The following BAZ2B variants were observed in gnomAD, a reference collection of about 807,000 sequenced individuals.
BAZ2B encodes the protein bromodomain adjacent to zinc finger domain protein 2B.
BAZ2B carries 91 observed loss-of-function variants against 246.0 expected under a neutral mutation model. The observed-to-expected ratio is 0.37, with a 90% CI of 0.31 to 0.44. The LOEUF is 0.44. Ranked by LOEUF, BAZ2B falls within the 20% of genes least tolerant of loss-of-function variation. BAZ2B has a pLI of 1.00. For missense variants in BAZ2B, 2,332 were observed against 2,533.7 expected, an observed-to-expected ratio of 0.92 and a Z score of 1.71; for synonymous variants, 855 against 860.0, an observed-to-expected ratio of 0.99 and a Z score of 0.10.
chr2:159,400,742 T>C (rs2064868047), intron 16 of BAZ2B, 78 bp from the exon 17 acceptor site: 1 of 914,316 alleles, frequency 1.1e-6, no homozygotes, highest in Non-Finnish European at 1.7e-6. Flanking sequence ...AATCAAATAA[T>C]TAAAAATATA....
At chr2:159,512,771 T>C (rs1388390234) in intron 2 of BAZ2B, among the ~76,000 whole-genome samples, 2 of 152,056 alleles carry the variant, frequency 1.3e-5, no homozygotes, top group Non-Finnish European at 2.9e-5. Context: ...AGAGGGAGTG[T>C]CTCTAATAGG....
intron 2 of BAZ2B, among the ~76,000 whole-genome samples, chr2:159,483,463 G>A (rs1194870137): frequency 6.6e-6 from 1 of 152,138 alleles, no homozygotes; most frequent in Admixed American, 6.5e-5. Context: ...GCCTCCCAAA[G>A]TGCTGGGATG....
At chr2:159,406,841 A>G (rs1035331800) in intron 14 of BAZ2B, among the ~76,000 whole-genome samples, 7 of 150,762 alleles carry the variant, frequency 4.6e-5, no homozygotes, top group East Asian at 2.0e-4. Context: ...TGCAAGCTCC[A>G]CCTCCCAGGT....
chr2:159,581,612 C>T (rs1686793871), intron 1 of BAZ2B, among the ~76,000 whole-genome samples: 1 of 152,082 alleles, frequency 6.6e-6, no homozygotes, highest in Non-Finnish European at 1.5e-5. Context: ...GCTATAAAGA[C>T]ACATGCACAT....
intron 17 of BAZ2B, chr2:159,399,129 A>G: frequency 2.7e-6 from 1 of 374,630 alleles, no homozygotes; most frequent in East Asian, 4.0e-5. Flanking sequence ...TAAGAATATG[A>G]CAGCTTTTCT....
the BAZ2B span, among the ~76,000 whole-genome samples, chr2:159,706,131 A>G: frequency 6.7e-6 from 1 of 149,546 alleles, no homozygotes; most frequent in Non-Finnish European, 1.5e-5. Flanking sequence ...TTGTGTGACC[A>G]TGCAGAAAGT....
intron 36 of BAZ2B, among the ~76,000 whole-genome samples, chr2:159,323,451 T>C (rs910280991): frequency 6.6e-6 from 1 of 152,164 alleles, no homozygotes; most frequent in Non-Finnish European, 1.5e-5. Context: ...TTCTTTTTCT[T>C]GGCCATGTTA....
the BAZ2B span, among the ~76,000 whole-genome samples, chr2:159,663,730 G>C: frequency 2.0e-4 from 30 of 151,792 alleles, no homozygotes; most frequent in South Asian, 5.4e-3. Context: ...TGTTGGCCAG[G>C]CTGGTCTTGA....
At chr2:159,383,966 A>T (rs1363479310) in intron 23 of BAZ2B, among the ~76,000 whole-genome samples, 1 of 152,074 alleles carries the variant, frequency 6.6e-6, no homozygotes, top group Admixed American at 6.6e-5. Flanking sequence ...TGCCTTAGAA[A>T]GACAATATTC....
intron 11 of BAZ2B, 147 bp downstream of exon 11, chr2:159,429,053 G>T: frequency 2.1e-6 from 1 of 487,538 alleles, no homozygotes; most frequent in Non-Finnish European, 3.4e-6. Flanking sequence ...CAAATTCCTT[G>T]CCCTTTGCTC....
intron 1 of BAZ2B, among the ~76,000 whole-genome samples, chr2:159,610,474 G>A (rs1371684264): frequency 2.0e-5 from 3 of 152,170 alleles, no homozygotes; most frequent in Admixed American, 2.0e-4. Flanking sequence ...ATTAATGAGT[G>A]CATGTTTGTG....
the BAZ2B span, among the ~76,000 whole-genome samples, chr2:159,673,187 A>T: frequency 6.6e-6 from 1 of 151,058 alleles, no homozygotes; most frequent in Non-Finnish European, 1.5e-5. Context: ...ATCCCAATAG[A>T]AAAATAGGCA....
chr2:159,466,568 A>G (rs7580564), intron 3 of BAZ2B, among the ~76,000 whole-genome samples: 3,659 of 152,334 alleles, frequency 0.024, 68 homozygotes, highest in Non-Finnish European at 0.038. Flanking sequence ...GCAATTACCT[A>G]GAGACTATAA....
intron 1 of BAZ2B, chr2:159,615,165 A>C (rs892364540): frequency 1.3e-5 from 2 of 152,118 alleles, no homozygotes; most frequent in African/African-American, 4.8e-5. Context: ...AAGAAGAGAA[A>C]ATCTCCCAAA....
intron 2 of BAZ2B, among the ~76,000 whole-genome samples, chr2:159,521,370 T>C (rs1301506686): frequency 6.6e-6 from 1 of 151,956 alleles, no homozygotes; most frequent in Non-Finnish European, 1.5e-5. Flanking sequence ...AAAAACAAAA[T>C]GGAAAGAGTA....
At chr2:159,327,060 T>TTTG (rs2063817274) in intron 34 of BAZ2B, among the ~76,000 whole-genome samples, 1 of 151,156 alleles carries the variant, frequency 6.6e-6, no homozygotes, top group Non-Finnish European at 1.5e-5. Flanking sequence ...GCAATCTTTT[T>TTTG]TTTTTTTTTT....
At chr2:159,656,240 G>C in the BAZ2B span, among the ~76,000 whole-genome samples, 2 of 152,094 alleles carry the variant, frequency 1.3e-5, no homozygotes, top group African/African-American at 2.4e-5. Context: ...CAAGTACAGA[G>C]AGTTCCCATA....
chr2:159,584,483 G>A (rs1254837214), intron 1 of BAZ2B, among the ~76,000 whole-genome samples: 4 of 152,196 alleles, frequency 2.6e-5, no homozygotes, highest in Non-Finnish European at 5.9e-5. Flanking sequence ...GGGAGTAGGA[G>A]CAGAAGCCCT....
At chr2:159,486,647 G>A (rs1223546550) in intron 2 of BAZ2B, among the ~76,000 whole-genome samples, 5 of 145,142 alleles carry the variant, frequency 3.4e-5, no homozygotes, top group African/African-American at 1.3e-4. Flanking sequence ...TGTCTTTTTA[G>A]TATTACCACT....
Sources: allele counts gnomAD v4.1 joint callset (sites outside exome capture counted in the v4.1 genomes callset), GRCh38; gene constraint gnomAD v4.1.1; transcripts MANE v1.5; gene names NCBI Gene and HGNC (gene_info 2026-07-23, HGNC 2026-07-21).